Variants in SLC6A11 observed in about 807,000 individuals in gnomAD.
SLC6A11 encodes sodium- and chloride-dependent GABA transporter 3.
SLC6A11 carries 25 observed loss-of-function variants against 74.8 expected under a neutral mutation model. The observed-to-expected ratio is 0.33, with a 90% CI of 0.24 to 0.47. SLC6A11 has a LOEUF of 0.47. Among genes scored for constraint, SLC6A11 ranks in the 20% least tolerant of loss-of-function variants. The pLI is 1.00. For synonymous variants in SLC6A11, 330 were observed against 330.2 expected (o/e 1.00, Z 0.01); for missense variants, 574 against 837.0 (o/e 0.69, Z 3.88).
chr3:10,823,157 G>T, intron 3 of SLC6A11, 145 bp from the exon 4 acceptor site: 1 of 634,554 alleles, frequency 1.6e-6, no homozygotes, highest in Non-Finnish European at 2.9e-6. Flanking sequence ...GTAAAGTATT[G>T]ATTTTCCCCA....
intron 13 of SLC6A11, among the ~76,000 whole-genome samples, chr3:10,936,709 C>G (rs529818185): frequency 3.0e-4 from 45 of 152,204 alleles, no homozygotes; most frequent in Non-Finnish European, 5.1e-4. Flanking sequence ...CCAAACATGT[C>G]CAGAGGGAAG....
At chr3:10,826,887 G>A (rs1694217305) in intron 4 of SLC6A11, among the ~76,000 whole-genome samples, 3 of 152,300 alleles carry the variant, frequency 2.0e-5, no homozygotes, top group African/African-American at 7.2e-5. Context: ...CATCCTCATC[G>A]GTATAGACCA....
At chr3:10,930,198 G>A (rs1041065103) in intron 10 of SLC6A11, among the ~76,000 whole-genome samples, 1 of 152,118 alleles carries the variant, frequency 6.6e-6, no homozygotes, top group South Asian at 2.1e-4. Context: ...CTCATATGCT[G>A]CCTCCTCCTG....
chr3:10,870,428 G>A (rs369764653), intron 5 of SLC6A11, among the ~76,000 whole-genome samples: 12 of 152,320 alleles, frequency 7.9e-5, no homozygotes, highest in South Asian at 4.1e-4. Context: ...AGTGCTGTGC[G>A]GAGGGTTCTG....
intron 11 of SLC6A11, among the ~76,000 whole-genome samples, chr3:10,933,543 C>G (rs1177535343): frequency 6.6e-6 from 1 of 152,194 alleles, no homozygotes; most frequent in Non-Finnish European, 1.5e-5. Flanking sequence ...CAACATGTCT[C>G]CAAGTGGGAG....
intron 5 of SLC6A11, among the ~76,000 whole-genome samples, chr3:10,854,496 T>G (rs1391404175): frequency 1.3e-5 from 2 of 152,248 alleles, no homozygotes; most frequent in East Asian, 3.8e-4. Flanking sequence ...TTAACATGTG[T>G]AATCAGAGCT....
At chr3:10,842,216 C>G (rs569077693) in intron 4 of SLC6A11, among the ~76,000 whole-genome samples, 38 of 152,326 alleles carry the variant, frequency 2.5e-4, no homozygotes, top group African/African-American at 9.1e-4. Flanking sequence ...CCTCTCCTCC[C>G]TCCCTCCAAA....
intron 6 of SLC6A11, among the ~76,000 whole-genome samples, chr3:10,888,436 G>T (rs1575690353): frequency 6.6e-6 from 1 of 152,162 alleles, no homozygotes; most frequent in South Asian, 2.1e-4. Flanking sequence ...ATGTCATGGG[G>T]GTCTGGCAGC....
intron 4 of SLC6A11, among the ~76,000 whole-genome samples, chr3:10,836,058 T>TGCC (rs1694363001): frequency 1.3e-5 from 2 of 152,234 alleles, no homozygotes; most frequent in Non-Finnish European, 2.9e-5. Flanking sequence ...CTCAGCTATT[T>TGCC]TTTTTATCTC....
At chr3:10,838,110 C>T (rs531451686) in intron 4 of SLC6A11, among the ~76,000 whole-genome samples, 11 of 152,324 alleles carry the variant, frequency 7.2e-5, no homozygotes, top group African/African-American at 7.2e-5. Flanking sequence ...TTGCCGGCTC[C>T]GTGCACGACA....
chr3:10,875,489 T>G (rs1046125659), intron 6 of SLC6A11, among the ~76,000 whole-genome samples: 1 of 152,178 alleles, frequency 6.6e-6, no homozygotes, highest in Non-Finnish European at 1.5e-5. Flanking sequence ...ATTGCCTGCA[T>G]CTAAAATTGA....
intron 13 of SLC6A11, among the ~76,000 whole-genome samples, 195 bp from the exon 14 acceptor site, chr3:10,938,055 A>T (rs1695778809): frequency 6.6e-6 from 1 of 152,058 alleles, no homozygotes; most frequent in African/African-American, 2.4e-5. Flanking sequence ...CCCATTTTTC[A>T]TAGGAGGAAA....
rs189950127 is a variant in SLC6A11, at chr3:10,933,399, T to C, written c.1474+146T>C. The C allele has an allele frequency of 1.9e-3, 1,241 of 645,764 alleles. 18 individuals are homozygous for C. The highest frequency in any genetic ancestry group is 0.013 in the South Asian group (711 of 54,228). The allele number at this position is 645,764 out of a possible 1,614,324, so 40.0% of individuals were successfully genotyped here. On this transcript the variant is annotated intron_variant, in intron 11 of 13. Transcript: ENST00000254488. ...TTACTCTTCAGGGATTCCTTGGCCT[T>C]TTCCCACTGTTGGTAGACCTTCTGC...
At chr3:10,889,100 A>C (rs1273447241) in intron 6 of SLC6A11, among the ~76,000 whole-genome samples, 2 of 152,130 alleles carry the variant, frequency 1.3e-5, no homozygotes, top group African/African-American at 2.4e-5. Flanking sequence ...TTTTAGATTA[A>C]TAGATTTTTA....
intron 11 of SLC6A11, chr3:10,933,845 A>G (rs1386958979): frequency 2.3e-6 from 1 of 431,048 alleles, no homozygotes; most frequent in African/African-American, 2.0e-5. Flanking sequence ...GCCTGAGGCC[A>G]GGAGAGCTCT....
At chr3:10,855,765 G>C (rs1694631755) in intron 5 of SLC6A11, among the ~76,000 whole-genome samples, 1 of 152,220 alleles carries the variant, frequency 6.6e-6, no homozygotes, top group Non-Finnish European at 1.5e-5. Context: ...ATTAAGCTGA[G>C]GGGTGAAATG....
At chr3:10,832,678 G>A (rs59986948) in intron 4 of SLC6A11, among the ~76,000 whole-genome samples, 3,507 of 152,144 alleles carry the variant, frequency 0.023, 117 homozygotes, top group African/African-American at 0.08. Flanking sequence ...GTATTTCCCC[G>A]TACTCTTAGT....
In SLC6A11 at chr3:10,840,830, G is replaced by A. The variant is rs1429265518; in HGVS notation, c.624-3384G>A. Reference sequence around the variant, plus strand: ...CTCTGTGCACCTCAGGTTCACTGTCGTTGAAATGGTGATGATAATTGTGCT... The same window carrying A: ...CTCTGTGCACCTCAGGTTCACTGTCATTGAAATGGTGATGATAATTGTGCT... On this transcript the variant is annotated intron_variant, in intron 4 of 13. Coordinates refer to ENST00000254488, the MANE Select transcript of SLC6A11 (RefSeq NM_014229.3). Among the ~76,000 whole-genome samples the A allele has an allele frequency of 3.3e-5, 5 of 152,176 alleles. 1 individual carries two copies. The highest frequency in any genetic ancestry group is 4.8e-5 in the African/African-American group (2 of 41,438).
At chr3:10,863,344 T>C (rs1398507636) in intron 5 of SLC6A11, among the ~76,000 whole-genome samples, 1 of 152,194 alleles carries the variant, frequency 6.6e-6, no homozygotes, top group African/African-American at 2.4e-5. Context: ...TCCTTACATC[T>C]ACCAAGAGAG....
Sources: gnomAD v4.1 joint callset for allele counts (sites outside exome capture counted in the v4.1 genomes callset) on GRCh38, gnomAD v4.1.1 for gene constraint, MANE v1.5 for transcripts, NCBI Gene and HGNC (gene_info 2026-07-23, HGNC 2026-07-21) for gene names.